LRRC7: variants seen among roughly 807,000 people sequenced by gnomAD.
LRRC7 encodes leucine-rich repeat-containing protein 7.
LRRC7 carries 23 observed loss-of-function variants against 175.7 expected under a neutral mutation model. That is an observed-to-expected ratio of 0.13 (90% CI 0.09 to 0.19). The LOEUF (loss-of-function observed/expected upper bound fraction) is 0.19. LRRC7 is among the 10% of genes least tolerant of loss of function. LRRC7 has a pLI of 1.00. For missense variants in LRRC7, 1,354 were observed against 1,904.7 expected (o/e 0.71, Z 5.38); for synonymous variants, 685 against 680.9 (o/e 1.01, Z -0.09).
chr1:69,864,788 C>T (rs1440530574), intron 7 of LRRC7, among the ~76,000 whole-genome samples: 2 of 152,086 alleles, frequency 1.3e-5, no homozygotes, highest in Non-Finnish European at 2.9e-5. Context: ...GAATTTCTAA[C>T]AAGCAGAGTC....
intron 8 of LRRC7, among the ~76,000 whole-genome samples, chr1:69,945,818 A>C (rs2101809532): frequency 6.6e-6 from 1 of 152,130 alleles, no homozygotes. Context: ...AAACTCTATT[A>C]ATTTTATGTT....
At chr1:70,007,034 G>A (rs370061518) in intron 11 of LRRC7, among the ~76,000 whole-genome samples, 16 of 152,174 alleles carry the variant, frequency 1.1e-4, no homozygotes, top group African/African-American at 3.9e-4. Context: ...GGGTTTTTGT[G>A]GAGTCTTCAT....
At chr1:69,874,579 C>T (rs1375340168) in intron 7 of LRRC7, 2 of 152,154 alleles carry the variant, frequency 1.3e-5, no homozygotes, top group African/African-American at 4.8e-5. Context: ...CACTTACGGG[C>T]TTTTCCTATT....
chr1:69,815,703 A>G (rs1375168611), intron 4 of LRRC7, among the ~76,000 whole-genome samples: 1 of 152,210 alleles, frequency 6.6e-6, no homozygotes, highest in Non-Finnish European at 1.5e-5. Flanking sequence ...TCAGGGGGCT[A>G]TAACAAAATA....
chr1:70,140,077 T>C lies in LRRC7; in HGVS notation c.*18190T>C, dbSNP rs113758060. 158 of 152,252 alleles carry C rather than the reference T, an allele frequency of 1.0e-3. No homozygotes were observed. Among genetic ancestry groups the C allele is most frequent in the African/African-American group, 3.7e-3 (155 of 41,558 alleles). 9.4% of individuals were successfully genotyped at this position (152,252 alleles called of 1,614,324 possible). ...TTGTGTGTTGGAGTAATTGAAAAGATACATCAAGCAATAATAAACTAGATG... is the reference window on the plus strand; with the variant it reads ...TTGTGTGTTGGAGTAATTGAAAAGACACATCAAGCAATAATAAACTAGATG... On this transcript the variant is annotated 3_prime_UTR_variant, in exon 27 of 27. Coordinates refer to ENST00000651989, the MANE Select transcript of LRRC7 (RefSeq NM_001370785.2).
chr1:69,811,520 C>T (rs1244294222), intron 4 of LRRC7, among the ~76,000 whole-genome samples: 1 of 152,048 alleles, frequency 6.6e-6, no homozygotes, highest in Non-Finnish European at 1.5e-5. Context: ...GGAACCAACC[C>T]AAATGTCCAT....
chr1:69,825,973 T>A (rs554238672), intron 5 of LRRC7, 147 bp downstream of exon 5: 8 of 507,230 alleles, frequency 1.6e-5, no homozygotes, highest in African/African-American at 1.2e-4. Context: ...TTAATCAGAA[T>A]AGTTTGACAA....
intron 2 of LRRC7, among the ~76,000 whole-genome samples, chr1:69,714,005 C>G (rs1168092246): frequency 2.0e-5 from 3 of 151,976 alleles, no homozygotes; most frequent in Non-Finnish European, 4.4e-5. Context: ...CATCCAGCAC[C>G]CTCATAACAA....
chr1:69,794,641 A>T (rs956610167), intron 4 of LRRC7, among the ~76,000 whole-genome samples: 43 of 152,166 alleles, frequency 2.8e-4, no homozygotes, highest in African/African-American at 1.0e-3. Flanking sequence ...CTTGATTTTC[A>T]GGCAGGATTA....
At chr1:69,574,272 TTCATAGG>T (rs1645856916) in intron 1 of LRRC7, among the ~76,000 whole-genome samples, 1 of 152,048 alleles carries the variant, frequency 6.6e-6, no homozygotes, top group African/African-American at 2.4e-5. Flanking sequence ...TCATGAAATT[TTCATAGG>T]TAAAAAGAAA....
chr1:69,760,593 A>T (rs928864055), intron 3 of LRRC7, among the ~76,000 whole-genome samples, 200 bp downstream of exon 3: 1 of 151,970 alleles, frequency 6.6e-6, no homozygotes, highest in Non-Finnish European at 1.5e-5. Context: ...GTTAATAACA[A>T]ATTGAGCTCT....
chr1:69,705,915 T>A (rs925990743), intron 2 of LRRC7, among the ~76,000 whole-genome samples: 5 of 152,278 alleles, frequency 3.3e-5, no homozygotes, highest in Admixed American at 3.3e-4. Flanking sequence ...GCTTCAAATA[T>A]TTTTGATCAA....
chr1:69,740,987 A>C (rs2100855271), intron 2 of LRRC7, among the ~76,000 whole-genome samples: 1 of 152,062 alleles, frequency 6.6e-6, no homozygotes, highest in Admixed American at 6.6e-5. Context: ...TATATATGTA[A>C]ATAATAAATA....
intron 24 of LRRC7, among the ~76,000 whole-genome samples, chr1:70,084,214 A>C (rs908686168): frequency 2.6e-5 from 4 of 152,014 alleles, no homozygotes; most frequent in Non-Finnish European, 5.9e-5. Flanking sequence ...TGTATAATTT[A>C]TTGTTTTCAT....
At chr1:69,885,950 G>A (rs77487413) in intron 7 of LRRC7, among the ~76,000 whole-genome samples, 11,088 of 58,316 alleles carry the variant, frequency 0.19, 1,762 homozygotes, top group East Asian at 0.27. Flanking sequence ...TTAGTCCTGA[G>A]TTCTAGTTTG....
At chr1:69,701,132 G>A (rs1288197949) in intron 2 of LRRC7, among the ~76,000 whole-genome samples, 1 of 152,024 alleles carries the variant, frequency 6.6e-6, no homozygotes, top group Non-Finnish European at 1.5e-5. Context: ...ATGGATGAAA[G>A]GTACAGACCA....
At chr1:69,902,315 A>G (rs989324371) in intron 7 of LRRC7, among the ~76,000 whole-genome samples, 2 of 152,216 alleles carry the variant, frequency 1.3e-5, no homozygotes, top group African/African-American at 4.8e-5. Context: ...CACACCTGTA[A>G]TCCCAGCACT....
intron 7 of LRRC7, among the ~76,000 whole-genome samples, chr1:69,886,963 TG>T: frequency 6.6e-6 from 1 of 152,112 alleles, no homozygotes; most frequent in South Asian, 2.1e-4. Context: ...CCTTGTGGCT[TG>T]TAGGGTTTCT....
chr1:69,900,633 A>G (rs1308444726), intron 7 of LRRC7, among the ~76,000 whole-genome samples: 2 of 152,180 alleles, frequency 1.3e-5, no homozygotes, highest in African/African-American at 2.4e-5. Flanking sequence ...TTAAAAAGCA[A>G]TTACTGGTTG....
Sources: gnomAD v4.1 joint callset for allele counts (sites outside exome capture counted in the v4.1 genomes callset) on GRCh38, gnomAD v4.1.1 for gene constraint, MANE v1.5 for transcripts, NCBI Gene and HGNC (gene_info 2026-07-23, HGNC 2026-07-21) for gene names.